The following FBXO45 variants were observed in gnomAD, a reference collection of about 807,000 sequenced individuals.
The protein encoded by FBXO45 is F-box protein 45.
In FBXO45, 3 loss-of-function variants were observed where a neutral mutation model predicts 25.5. The ratio of observed to expected loss-of-function variants is 0.12; its 90% CI spans 0.05 to 0.30. FBXO45 has a LOEUF of 0.30. Among genes scored for constraint, FBXO45 ranks in the 10% least tolerant of loss-of-function variants. FBXO45 has a pLI of 1.00. For synonymous variants in FBXO45, 155 were observed against 149.8 expected (o/e 1.03, Z -0.25); for missense variants, 219 against 365.0 (o/e 0.60, Z 3.26).
rs1481317709 is a variant in FBXO45 at position 196,577,572 on chromosome 3, C to A, written c.438C>A (p.Thr146=). Residue 146 remains threonine (T), a synonymous_variant, in exon 2 of 3, where the codon ACC becomes ACA. Transcript: ENST00000311630. ...PIAQSTDGAR[T]KIGFSEGRHA... Reference sequence around the variant, plus strand: ...CTCAGAGCACTGATGGTGCAAGGACCAAGATTGGTTTCAGTGAGGGCCGCC... The same window carrying A: ...CTCAGAGCACTGATGGTGCAAGGACAAAGATTGGTTTCAGTGAGGGCCGCC... 6.2e-7 allele frequency: 1 copy of A among 1,613,944 alleles called. No homozygotes were observed. The highest frequency in any genetic ancestry group is 1.3e-5 in the African/African-American group (1 of 75,026).
intron 2 of FBXO45, among the ~76,000 whole-genome samples, chr3:196,581,520 C>G (rs948982712): frequency 6.6e-6 from 1 of 152,098 alleles, no homozygotes; most frequent in Admixed American, 6.6e-5. Flanking sequence ...CAGGCGTGAG[C>G]CACCACACTG....
In FBXO45 at chr3:196,581,251, T is replaced by G. The variant is rs1195153898; in HGVS notation, c.676-2882T>G. 9.0e-3 allele frequency among the ~76,000 whole-genome samples: 1,218 copies of G among 135,402 alleles called. 8 individuals are homozygous for G. The highest frequency in any genetic ancestry group is 0.037 in the African/African-American group (1,169 of 31,466). The allele number at this position is 135,402 out of a possible 152,430, so 88.8% of individuals were successfully genotyped here. A position where few individuals can be genotyped will look rare whatever the true frequency, so the allele number is the denominator to read the frequency against. Reference sequence around the variant, plus strand: ...TTTTTTTTTTTTTTTTTTTTTTTTTTGAGACAGTCTCACTCTGTCGTCAGG... The same window carrying G: ...TTTTTTTTTTTTTTTTTTTTTTTTTGGAGACAGTCTCACTCTGTCGTCAGG... On this transcript the variant is annotated intron_variant, in intron 2 of 2. Coordinates refer to ENST00000311630, the MANE Select transcript of FBXO45 (RefSeq NM_001105573.2).
In FBXO45 at chr3:196,569,044, CGGCGCG is replaced by C. The variant is rs781023121; in HGVS notation, c.76_81del (p.Ala26_Gly27del). ...CGGGCGGCGCTGGCTGTAGCGGCGG[CGGCGCG>C]GGCGCGGGCGCGGGCTCGGGCTCTG... is the stretch of plus-strand genomic sequence containing the variant. On this transcript the variant is annotated inframe_deletion, in exon 1 of 3. Transcript: ENST00000311630. The surrounding 1 kb of genome is among the most constrained non-coding windows in gnomAD (Gnocchi z 4.1). 1,667 of 1,089,658 alleles carry C rather than the reference CGGCGCG, an allele frequency of 1.5e-3. 13 individuals are homozygous for C. The African/African-American group carries it at 0.025, about 16-fold the overall frequency. The allele number at this position is 1,089,658 out of a possible 1,614,324, so 67.5% of individuals were successfully genotyped here.
At chr3:196,582,951 C>G (rs1736038770) in intron 2 of FBXO45, among the ~76,000 whole-genome samples, 1 of 152,146 alleles carries the variant, frequency 6.6e-6, no homozygotes, top group Non-Finnish European at 1.5e-5. Context: ...TAAATACATT[C>G]ACACACCTCT....
intron 1 of FBXO45, among the ~76,000 whole-genome samples, chr3:196,574,399 C>G (rs74726985): frequency 0.079 from 12,065 of 152,118 alleles, 656 homozygotes; most frequent in East Asian, 0.24. Context: ...TTAAATGTTG[C>G]ATTTTAAAGT....
intron 1 of FBXO45, among the ~76,000 whole-genome samples, chr3:196,572,868 G>A (rs944848167): frequency 6.6e-6 from 1 of 152,026 alleles, no homozygotes. Flanking sequence ...TGAGGAAGAG[G>A]GAAGTGGTAA....
At position 196,589,002 on chromosome 3, in the gene FBXO45, T is replaced by G. The variant is rs897401723; in HGVS notation, c.*4684T>G. ...GAATTTAAATTAGAATTCTGTATCT[T>G]TATTTTTTGGAATTCTGTTGTTTTG... On this transcript the variant is annotated 3_prime_UTR_variant, in exon 3 of 3. Coordinates refer to ENST00000311630, the MANE Select transcript of FBXO45 (RefSeq NM_001105573.2). 3.3e-5 allele frequency: 5 copies of G among 152,242 alleles called. No homozygotes were observed. The highest frequency in any genetic ancestry group is 5.9e-5 in the Non-Finnish European group (4 of 68,032). 9.4% of individuals were successfully genotyped at this position (152,242 alleles called of 1,614,324 possible).
intron 1 of FBXO45, among the ~76,000 whole-genome samples, chr3:196,572,325 AAAT>A (rs1301525355): frequency 6.6e-6 from 1 of 152,240 alleles, no homozygotes; most frequent in Non-Finnish European, 1.5e-5. Context: ...GATATTAATC[AAAT>A]AATCACACAG....
chr3:196,570,152 A>ACAG (rs1302300096), intron 1 of FBXO45, among the ~76,000 whole-genome samples: 1 of 152,194 alleles, frequency 6.6e-6, no homozygotes, highest in African/African-American at 2.4e-5. Flanking sequence ...TGAATGGTTA[A>ACAG]CAGCTATTCA....
rs1475702774 is a variant in FBXO45, at chr3:196,588,098, A to T, written c.*3780A>T. 1.3e-5 allele frequency: 2 copies of T among 151,974 alleles called. No homozygotes were observed. The highest frequency in any genetic ancestry group is 4.8e-5 in the African/African-American group (2 of 41,338). The allele number at this position is 151,974 out of a possible 1,614,324, so 9.4% of individuals were successfully genotyped here. A position where few individuals can be genotyped will look rare whatever the true frequency, so the allele number is the denominator to read the frequency against. ...AGGCACCTGCCACCATGCCTGGCTAATTTTTGTATTTTTAATAGAGACGGG... is the reference window on the plus strand; with the variant it reads ...AGGCACCTGCCACCATGCCTGGCTATTTTTTGTATTTTTAATAGAGACGGG... On this transcript the variant is annotated 3_prime_UTR_variant, in exon 3 of 3. Transcript: ENST00000311630. The surrounding 1 kb of genome is among the most constrained non-coding windows in gnomAD (Gnocchi z 4.2).
chr3:196,569,250 A>G lies in FBXO45; in HGVS notation c.266A>G (p.Glu89Gly), dbSNP rs1735729900. The G allele has an allele frequency of 1.3e-6, 2 of 1,586,304 alleles. No individual in the cohort carries two copies. The change falls in exon 1 of 3, where the codon GAA (glutamate) becomes GGA (glycine). Residue 89 changes from glutamate to glycine, a missense_variant. Glu to Gly is a moderately conservative substitution (Grantham distance 98, BLOSUM62 -2). Coordinates refer to ENST00000311630, the MANE Select transcript of FBXO45 (RefSeq NM_001105573.2). The surrounding 1 kb of genome is among the most constrained non-coding windows in gnomAD (Gnocchi z 4.1). The stretch of plus-strand genomic sequence containing the variant: ...AGCCTGTGCGCCCGCAGCCTGGCAG[A>G]AGAGGCTCTGCGCACGGACATCCTG... ...WRSLCARSLA[E>G]EALRTDILCN...
chr3:196,579,385 C>G (rs554611796), intron 2 of FBXO45, among the ~76,000 whole-genome samples: 4 of 152,082 alleles, frequency 2.6e-5, no homozygotes, highest in African/African-American at 9.7e-5. Flanking sequence ...CCTCACTATC[C>G]TTTTAGGCTC....
chr3:196,583,470 C>T (rs539647671), intron 2 of FBXO45, among the ~76,000 whole-genome samples: 7 of 147,380 alleles, frequency 4.7e-5, no homozygotes, highest in African/African-American at 1.8e-4. Context: ...TGCACCACTG[C>T]ACTCCAGCCT....
At position 196,586,026 on chromosome 3, in the gene FBXO45, A is replaced by G. The variant is rs753358007; in HGVS notation, c.*1708A>G. The G allele has an allele frequency of 6.6e-6, 1 of 152,204 alleles. No individual in the cohort carries two copies. The highest frequency in any genetic ancestry group is 1.5e-5 in the Non-Finnish European group (1 of 68,026). The allele number at this position is 152,204 out of a possible 1,614,324, so 9.4% of individuals were successfully genotyped here. A position where few individuals can be genotyped will look rare whatever the true frequency, so the allele number is the denominator to read the frequency against. On this transcript the variant is annotated 3_prime_UTR_variant, in exon 3 of 3. Coordinates refer to ENST00000311630, the MANE Select transcript of FBXO45 (RefSeq NM_001105573.2). The stretch of plus-strand genomic sequence containing the variant: ...ATTGCTTGAAAAGATGAAATCTGTT[A>G]AAGATTCTTTTCGATGTCCAGGTTA...
At chr3:196,577,051 C>T (rs1298821615) in intron 1 of FBXO45, among the ~76,000 whole-genome samples, 2 of 152,122 alleles carry the variant, frequency 1.3e-5, no homozygotes, top group African/African-American at 2.4e-5. Context: ...AATTTATGGC[C>T]AGTCTAGTTT....
intron 2 of FBXO45, among the ~76,000 whole-genome samples, chr3:196,583,696 T>G (rs1429525271): frequency 6.6e-6 from 1 of 152,136 alleles, no homozygotes; most frequent in Non-Finnish European, 1.5e-5. Flanking sequence ...TTGTAAGTAA[T>G]TAAGTGTAGA....
rs1232612048 is a variant in FBXO45 at position 196,569,248 on chromosome 3, A to C, written c.264A>C (p.Ala88=). 3 of 1,586,040 alleles carry C rather than the reference A, an allele frequency of 1.9e-6. No homozygotes were observed. Among genetic ancestry groups the C allele is most frequent in the Non-Finnish European group, 2.6e-6 (3 of 1,166,776 alleles). Residue 88 remains alanine (A), a synonymous_variant, in exon 1 of 3, where the codon GCA becomes GCC. Transcript: ENST00000311630. This position sits in a 1 kb window ranked among gnomAD's most constrained non-coding sequence, Gnocchi z 4.1. ...VWRSLCARSL[A]EEALRTDILC... ...GGAGCCTGTGCGCCCGCAGCCTGGCAGAAGAGGCTCTGCGCACGGACATCC... is the reference window on the plus strand; with the variant it reads ...GGAGCCTGTGCGCCCGCAGCCTGGCCGAAGAGGCTCTGCGCACGGACATCC...
intron 2 of FBXO45, among the ~76,000 whole-genome samples, chr3:196,582,745 A>G (rs1454758998): frequency 1.3e-5 from 2 of 152,182 alleles, no homozygotes; most frequent in Admixed American, 6.5e-5. Context: ...GTGAACCACA[A>G]ATTGTTTAAT....
intron 2 of FBXO45, among the ~76,000 whole-genome samples, chr3:196,580,232 T>C (rs1735985592): frequency 6.8e-6 from 1 of 147,132 alleles, no homozygotes; most frequent in African/African-American, 2.5e-5. Context: ...TGAGACAGAG[T>C]TTCACTCTTG....
Sources: gnomAD v4.1 joint callset for allele counts (sites outside exome capture counted in the v4.1 genomes callset) on GRCh38, gnomAD v4.1.1 for gene constraint, Gnocchi (gnomAD v3.1) non-coding constraint, MANE v1.5 for transcripts, NCBI Gene and HGNC (gene_info 2026-07-23, HGNC 2026-07-21) for gene names.